Variants in SYN2 observed in about 807,000 individuals in gnomAD.
The protein encoded by SYN2 is synapsin-2.
A neutral mutation model predicts 50.9 loss-of-function variants in SYN2; 19 were observed. The ratio of observed to expected loss-of-function variants is 0.37; its 90% CI spans 0.26 to 0.55. The LOEUF is 0.55. Ranked by LOEUF, SYN2 falls within the 20% of genes least tolerant of loss-of-function variation. SYN2 has a pLI of 0.81. For synonymous variants in SYN2, 255 were observed against 224.9 expected, an observed-to-expected ratio of 1.13 and a Z score of -1.20; for missense variants, 587 against 576.4, an observed-to-expected ratio of 1.02 and a Z score of -0.19.
chr3:12,165,766 A>G (rs1222856928), intron 7 of SYN2: 2 of 152,194 alleles, frequency 1.3e-5, no homozygotes, highest in Non-Finnish European at 2.9e-5. Flanking sequence ...GAATGTTAAG[A>G]AGACAGTTAT....
intron 1 of SYN2, among the ~76,000 whole-genome samples, chr3:12,085,505 T>C (rs1440119342): frequency 6.6e-6 from 1 of 152,028 alleles, no homozygotes; most frequent in Non-Finnish European, 1.5e-5. Flanking sequence ...TTTTCAACAA[T>C]GGGCAGATTA....
At chr3:12,054,890 T>C (rs1694954544) in intron 1 of SYN2, among the ~76,000 whole-genome samples, 1 of 152,166 alleles carries the variant, frequency 6.6e-6, no homozygotes, top group Non-Finnish European at 1.5e-5. Context: ...TATAGAATTC[T>C]GGGTCAAAAA....
At chr3:12,134,753 T>C (rs1194213773) in intron 1 of SYN2, among the ~76,000 whole-genome samples, 1 of 152,230 alleles carries the variant, frequency 6.6e-6, no homozygotes, top group Non-Finnish European at 1.5e-5. Context: ...ACTTTTATTA[T>C]TGTTTTAGTT....
chr3:12,154,435 A>T (rs775675942), intron 5 of SYN2: 7 of 1,614,110 alleles, frequency 4.3e-6, no homozygotes, highest in Non-Finnish European at 5.9e-6. Context: ...AGACTTTTCC[A>T]TCACTGAGGA....
intron 1 of SYN2, among the ~76,000 whole-genome samples, chr3:12,090,947 A>G (rs574023259): frequency 2.2e-4 from 33 of 152,334 alleles, no homozygotes; most frequent in South Asian, 8.3e-4. Context: ...TTGGCATTCT[A>G]TTCCATAATA....
intron 1 of SYN2, among the ~76,000 whole-genome samples, chr3:12,096,043 C>G (rs1450675504): frequency 1.3e-5 from 2 of 152,328 alleles, no homozygotes; most frequent in Admixed American, 1.3e-4. Context: ...TCAACCCAAT[C>G]AAGCTAGAAC....
chr3:12,166,184 C>G (rs1008419018), intron 7 of SYN2, among the ~76,000 whole-genome samples: 1 of 152,138 alleles, frequency 6.6e-6, no homozygotes, highest in Non-Finnish European at 1.5e-5. Flanking sequence ...TGTCTGAAAT[C>G]AGATCTCTGG....
intron 1 of SYN2, among the ~76,000 whole-genome samples, chr3:12,006,626 G>A (rs1223711631): frequency 6.6e-6 from 1 of 152,192 alleles, no homozygotes; most frequent in African/African-American, 2.4e-5. Context: ...ACTTAGGCCT[G>A]TTTGACTCCA....
chr3:12,161,346 A>G (rs1202484662), intron 5 of SYN2, among the ~76,000 whole-genome samples, 200 bp from the exon 6 acceptor site: 2 of 152,162 alleles, frequency 1.3e-5, no homozygotes, highest in Admixed American at 1.3e-4. Flanking sequence ...GGGTTCTTGT[A>G]GCACTGCCAC....
chr3:12,151,368 A>G, intron 5 of SYN2, 42 bp downstream of exon 5: 1 of 1,527,138 alleles, frequency 6.5e-7, no homozygotes, highest in Non-Finnish European at 9.0e-7. Context: ...TGCTGTTTTC[A>G]TTTTGCACTT....
At position 12,191,238 on chromosome 3, in the gene SYN2, C is replaced by G; in HGVS notation, c.*613C>G. On this transcript the variant is annotated 3_prime_UTR_variant, in exon 13 of 13. Transcript: ENST00000621198. ...ACAAGGATCTGCAGTTTCCCCTTTT[C>G]TCCCCTCTGAAGAGTGGTTCTTATG... 1.0e-6 allele frequency: 1 copy of G among 958,598 alleles called. No homozygotes were observed. The highest frequency in any genetic ancestry group is 1.2e-6 in the Non-Finnish European group (1 of 805,562). The allele number at this position is 958,598 out of a possible 1,614,324, so 59.4% of individuals were successfully genotyped here.
Position 12,191,664 on chromosome 3 carries a change from G to A in SYN2, c.*1039G>A, listed in dbSNP as rs541032769. On this transcript the variant is annotated 3_prime_UTR_variant, in exon 13 of 13. Transcript: ENST00000621198. ...GAATCTGTCTCCTCCAAGACACCTA[G>A]CCTTCCTTCAGCAACTCAGCGTTTC... Among the ~76,000 whole-genome samples the A allele has an allele frequency of 1.3e-5, 2 of 152,144 alleles. No homozygotes were observed. Among genetic ancestry groups the A allele is most frequent in the Non-Finnish European group, 1.5e-5 (1 of 68,016 alleles).
chr3:12,132,269 GAGT>G (rs1478145539), intron 1 of SYN2, among the ~76,000 whole-genome samples: 1 of 152,122 alleles, frequency 6.6e-6, no homozygotes, highest in Non-Finnish European at 1.5e-5. Context: ...AACACAAAAT[GAGT>G]AGAGCAGAGT....
chr3:12,058,549 G>C (rs554228821), intron 1 of SYN2, among the ~76,000 whole-genome samples: 1 of 152,088 alleles, frequency 6.6e-6, no homozygotes, highest in Non-Finnish European at 1.5e-5. Flanking sequence ...ACTTACTCTA[G>C]TATCAGCTCT....
chr3:12,127,873 G>A (rs1296960866), intron 1 of SYN2, among the ~76,000 whole-genome samples: 1 of 152,064 alleles, frequency 6.6e-6, no homozygotes, highest in Non-Finnish European at 1.5e-5. Flanking sequence ...TGATGATGTG[G>A]TATTACAAAC....
At chr3:12,007,364 C>CA (rs1253465451) in intron 1 of SYN2, among the ~76,000 whole-genome samples, 2 of 152,126 alleles carry the variant, frequency 1.3e-5, no homozygotes, top group African/African-American at 4.8e-5. Context: ...TGCTTAATAG[C>CA]AGTTCCCAGA....
intron 1 of SYN2, among the ~76,000 whole-genome samples, chr3:12,127,037 A>G (rs565729501): frequency 2.3e-4 from 35 of 152,364 alleles, no homozygotes; most frequent in Admixed American, 2.3e-3. Context: ...TAAATTAATT[A>G]GAATTACAAT....
chr3:12,024,800 C>T (rs1439511685), intron 1 of SYN2, among the ~76,000 whole-genome samples: 3 of 151,978 alleles, frequency 2.0e-5, no homozygotes, highest in African/African-American at 7.3e-5. Flanking sequence ...GGGTGTGTAC[C>T]CAGGAGTGGC....
At chr3:12,123,941 G>A (rs950806727) in intron 1 of SYN2, among the ~76,000 whole-genome samples, 1 of 152,070 alleles carries the variant, frequency 6.6e-6, no homozygotes, top group African/African-American at 2.4e-5. Flanking sequence ...AGCCCGGGAG[G>A]TTGAGGCTGC....
Sources: gnomAD v4.1 joint callset for allele counts (sites outside exome capture counted in the v4.1 genomes callset) on GRCh38, gnomAD v4.1.1 for gene constraint, MANE v1.5 for transcripts, NCBI Gene and HGNC (gene_info 2026-07-23, HGNC 2026-07-21) for gene names.